Variants in PDE1C observed in about 807,000 individuals in gnomAD.
PDE1C encodes the protein phosphodiesterase 1C, also known as dual specificity calcium/calmodulin-dependent 3',5'-cyclic nucleotide phosphodiesterase 1C.
A neutral mutation model predicts 93.1 loss-of-function variants in PDE1C; 62 were observed. The observed-to-expected ratio is 0.67, with a 90% confidence interval of 0.54 to 0.82. The LOEUF (loss-of-function observed/expected upper bound fraction) is 0.82. Among genes scored for constraint, PDE1C ranks in the 40% least tolerant of loss-of-function variants. PDE1C has a pLI of 0.00. For synonymous variants in PDE1C, 325 were observed against 310.1 expected (o/e 1.05, Z -0.50); for missense variants, 742 against 884.6 (o/e 0.84, Z 2.04).
intron 2 of PDE1C, among the ~76,000 whole-genome samples, chr7:31,934,479 T>G: frequency 6.6e-6 from 1 of 152,132 alleles, no homozygotes. Context: ...CTGAAACTAG[T>G]TTATGCTCCT....
intron 2 of PDE1C, among the ~76,000 whole-genome samples, chr7:31,951,809 C>T (rs182360896): frequency 5.3e-5 from 8 of 152,282 alleles, no homozygotes; most frequent in Middle Eastern, 6.8e-3. Flanking sequence ...ACTTCCTGAA[C>T]ACAGAACCTC....
intron 1 of PDE1C, among the ~76,000 whole-genome samples, chr7:32,374,707 G>A (rs2128088617): frequency 6.6e-6 from 1 of 152,360 alleles, no homozygotes; most frequent in African/African-American, 2.4e-5. Context: ...AACAATGGTT[G>A]TTGTTTTAAG....
intron 2 of PDE1C, among the ~76,000 whole-genome samples, chr7:31,948,286 CAG>C (rs1270038670): frequency 6.6e-6 from 1 of 152,212 alleles, no homozygotes; most frequent in African/African-American, 2.4e-5. Flanking sequence ...ACTTGACTAA[CAG>C]AAACTCTCTT....
chr7:31,768,372 A>G (rs969498816), intron 17 of PDE1C, among the ~76,000 whole-genome samples: 4 of 152,174 alleles, frequency 2.6e-5, no homozygotes, highest in Admixed American at 6.5e-5. Flanking sequence ...GACAAGCATA[A>G]TATCTGTGTC....
intron 7 of PDE1C, among the ~76,000 whole-genome samples, chr7:31,864,368 T>A (rs983966902): frequency 2.0e-5 from 3 of 152,028 alleles, no homozygotes; most frequent in African/African-American, 7.3e-5. Flanking sequence ...TAAAAAAAAA[T>A]TTTTAAAGCA....
intron 3 of PDE1C, among the ~76,000 whole-genome samples, chr7:32,145,133 G>C (rs1380695151): frequency 6.6e-6 from 1 of 152,222 alleles, no homozygotes; most frequent in Non-Finnish European, 1.5e-5. Flanking sequence ...TCTGTTATAA[G>C]AAGATAACTG....
At chr7:32,404,088 C>T (rs926364647) in intron 1 of PDE1C, among the ~76,000 whole-genome samples, 20 of 152,172 alleles carry the variant, frequency 1.3e-4, no homozygotes, top group African/African-American at 4.8e-4. Context: ...CTGGGTCTGA[C>T]TCCTGGCCCC....
At chr7:32,343,106 A>G (rs1220857419) in intron 1 of PDE1C, among the ~76,000 whole-genome samples, 2 of 152,310 alleles carry the variant, frequency 1.3e-5, no homozygotes, top group Non-Finnish European at 2.9e-5. Context: ...GCTGCCAACA[A>G]GGACTTGTGG....
In PDE1C at chr7:32,376,815, G is replaced by A. The variant is rs1468236623; in HGVS notation, c.310+51007C>T. ...CCATTCTCCCGCCTCAGCCTCCCGA[G>A]TAGCTGGGACTACGGGCGCCCGCCA... On this transcript the variant is annotated intron_variant, in intron 1 of 1. Transcript: ENST00000672256. Among the ~76,000 whole-genome samples, 7 of 152,136 alleles carry A rather than the reference G, an allele frequency of 4.6e-5. No individual in the cohort carries two copies. In the East Asian group the frequency reaches 1.4e-3, roughly 29 times the overall value.
Position 32,034,583 on chromosome 7 carries a change from T to C in PDE1C, c.128+16971A>G, listed in dbSNP as rs117965523. 5.0e-3 allele frequency among the ~76,000 whole-genome samples: 760 copies of C among 152,278 alleles called. 3 individuals are homozygous for C. The highest frequency in any genetic ancestry group is 7.4e-3 in the Non-Finnish European group (505 of 68,010). On this transcript the variant is annotated intron_variant, in intron 2 of 17. Transcript: ENST00000396191. ...GTGTGTTCATGGTAGCTCCCAGTCA[T>C]GCTTGGCTTCAAATGCACAAAAAAT...
chr7:32,398,698 A>G (rs1207333705), intron 1 of PDE1C, among the ~76,000 whole-genome samples: 1 of 151,982 alleles, frequency 6.6e-6, no homozygotes, highest in Non-Finnish European at 1.5e-5. Flanking sequence ...CAGAACTGTG[A>G]TCCTAGCTGA....
rs879849837 is a variant in PDE1C at position 32,375,664 on chromosome 7, G to A, written c.310+52158C>T. On this transcript the variant is annotated intron_variant, in intron 1 of 1. Coordinates refer to the PDE1C transcript ENST00000672256. Reference sequence around the variant, plus strand: ...GAATCCCTGCTCTAGAGCGTTCTCAGAAAAGCCTTGAACCAGGGGTCACAC... The same window carrying A: ...GAATCCCTGCTCTAGAGCGTTCTCAAAAAAGCCTTGAACCAGGGGTCACAC... 2.6e-4 allele frequency among the ~76,000 whole-genome samples: 39 copies of A among 152,222 alleles called. 1 individual carries two copies. The highest frequency in any genetic ancestry group is 8.7e-4 in the African/African-American group (36 of 41,466).
At chr7:32,215,278 G>A (rs1049647786) in intron 1 of PDE1C, among the ~76,000 whole-genome samples, 3 of 152,078 alleles carry the variant, frequency 2.0e-5, no homozygotes, top group East Asian at 1.9e-4. Flanking sequence ...GGCTGCATGT[G>A]CCTTATGATC....
At chr7:32,047,358 C>A (rs1238922315) in intron 2 of PDE1C, among the ~76,000 whole-genome samples, 1 of 152,086 alleles carries the variant, frequency 6.6e-6, no homozygotes, top group Non-Finnish European at 1.5e-5. Context: ...GAATGATTGA[C>A]CCTCATGAAC....
chr7:32,241,417 G>A (rs1425532307), intron 1 of PDE1C, among the ~76,000 whole-genome samples: 1 of 152,168 alleles, frequency 6.6e-6, no homozygotes, highest in Non-Finnish European at 1.5e-5. Context: ...ATGCTGCAGG[G>A]TGTCAAATAT....
chr7:32,029,351 C>T (rs539624405), intron 2 of PDE1C, among the ~76,000 whole-genome samples: 32 of 152,260 alleles, frequency 2.1e-4, no homozygotes, highest in African/African-American at 7.5e-4. Context: ...TAGTATTTAT[C>T]CAAAGGATTT....
intron 16 of PDE1C, among the ~76,000 whole-genome samples, chr7:31,799,535 C>G (rs1015901184): frequency 6.6e-5 from 10 of 151,534 alleles, no homozygotes; most frequent in Admixed American, 1.3e-4. Context: ...TTCAAACTAA[C>G]TTGTTAGGAA....
intron 11 of PDE1C, among the ~76,000 whole-genome samples, chr7:31,829,030 T>C (rs765898852): frequency 9.9e-5 from 15 of 152,268 alleles, no homozygotes; most frequent in Middle Eastern, 3.4e-3. Context: ...AGAGTCTAAA[T>C]AATAATGGAG....
intron 2 of PDE1C, among the ~76,000 whole-genome samples, chr7:31,904,403 T>A (rs894475769): frequency 5.9e-5 from 9 of 152,086 alleles, no homozygotes; most frequent in Non-Finnish European, 8.8e-5. Context: ...TCTCTTAGAT[T>A]TAGAGTCCTA....
Sources: gnomAD v4.1 joint callset for allele counts (sites outside exome capture counted in the v4.1 genomes callset) on GRCh38, gnomAD v4.1.1 for gene constraint, MANE v1.5 for transcripts, NCBI Gene and HGNC (gene_info 2026-07-23, HGNC 2026-07-21) for gene names.